KCMF1: variants seen among roughly 807,000 people sequenced by gnomAD.
The protein encoded by KCMF1 is E3 ubiquitin-protein ligase KCMF1.
A neutral mutation model predicts 41.1 loss-of-function variants in KCMF1; 3 were observed. The ratio of observed to expected loss-of-function variants is 0.07; its 90% CI spans 0.03 to 0.19. The LOEUF (loss-of-function observed/expected upper bound fraction) is 0.19, where lower values mean the gene tolerates loss of function less well. KCMF1 is among the 10% of genes least tolerant of loss of function. KCMF1 has a pLI of 1.00. For missense variants in KCMF1, 286 were observed against 488.9 expected (o/e 0.58, Z 3.91); for synonymous variants, 142 against 164.5 (o/e 0.86, Z 1.04).
In KCMF1 at chr2:85,046,347, A is replaced by G; in HGVS notation, c.601+69A>G. 4 of 1,286,982 alleles carry G rather than the reference A, an allele frequency of 3.1e-6. No homozygotes were observed. The South Asian group carries it at 5.4e-5, about 17-fold the overall frequency. 79.7% of individuals were successfully genotyped at this position (1,286,982 alleles called of 1,614,324 possible). On this transcript the variant is annotated intron_variant, in intron 5 of 6. Transcript: ENST00000409785. ...GGAGCTCCTTTTAAAACTTTTTGTG[A>G]TGCCAGGTGCGGTGGCTCACACCTT...
intron 1 of KCMF1, among the ~76,000 whole-genome samples, chr2:85,027,366 CTTTTTTTTTTTTTTT>C (rs934531367): frequency 4.6e-5 from 3 of 65,742 alleles, no homozygotes; most frequent in Non-Finnish European, 8.8e-5. Flanking sequence ...CTTATCAAGG[CTTTTTTTTTTTTTTT>C]TTTTTTTTTT....
At chr2:85,051,044 G>C (rs917649472) in intron 6 of KCMF1, among the ~76,000 whole-genome samples, 1 of 152,160 alleles carries the variant, frequency 6.6e-6, no homozygotes, top group African/African-American at 2.4e-5. Context: ...GTATGTGTAT[G>C]GTCTGGCTCA....
chr2:84,997,424 C>G (rs1200107314), intron 1 of KCMF1, among the ~76,000 whole-genome samples: 1 of 151,996 alleles, frequency 6.6e-6, no homozygotes, highest in African/African-American at 2.4e-5. Flanking sequence ...GGTTACCATG[C>G]CCATGATTCT....
At chr2:85,002,712 C>T (rs564940395) in intron 1 of KCMF1, among the ~76,000 whole-genome samples, 1 of 151,928 alleles carries the variant, frequency 6.6e-6, no homozygotes, top group South Asian at 2.1e-4. Context: ...CTACAGAGAA[C>T]TGAGTGTACT....
intron 1 of KCMF1, among the ~76,000 whole-genome samples, chr2:85,003,211 C>T (rs925367887): frequency 2.0e-5 from 3 of 152,100 alleles, no homozygotes; most frequent in African/African-American, 4.8e-5. Flanking sequence ...CGGTGGCTCA[C>T]GCCTGTAATC....
chr2:85,044,789 G>T (rs989573161), intron 4 of KCMF1, among the ~76,000 whole-genome samples: 2 of 152,208 alleles, frequency 1.3e-5, no homozygotes, highest in South Asian at 4.1e-4. Flanking sequence ...AAAGTGCTGG[G>T]ATTCAGGCGT....
chr2:85,021,495 A>G (rs1674938771), intron 1 of KCMF1, among the ~76,000 whole-genome samples: 1 of 151,944 alleles, frequency 6.6e-6, no homozygotes, highest in Non-Finnish European at 1.5e-5. Context: ...GGTGGTGGGC[A>G]CCTGTAGTCC....
chr2:85,046,302 G>T, intron 5 of KCMF1, 24 bp downstream of exon 5: 1 of 1,593,446 alleles, frequency 6.3e-7, no homozygotes, highest in Middle Eastern at 1.7e-4. Context: ...ACATTAATAA[G>T]GGAAATGGCA....
chr2:85,017,522 A>G (rs1674807930), intron 1 of KCMF1, among the ~76,000 whole-genome samples: 1 of 152,150 alleles, frequency 6.6e-6, no homozygotes, highest in African/African-American at 2.4e-5. Context: ...AAGAGATAAT[A>G]CACAGACATT....
In KCMF1 at chr2:85,054,203, T is replaced by G. The variant is rs942280637; in HGVS notation, c.*794T>G. The G allele has an allele frequency of 6.6e-6, 1 of 152,258 alleles. No individual in the cohort carries two copies. The highest frequency in any genetic ancestry group is 1.5e-5 in the Non-Finnish European group (1 of 68,044). 9.4% of individuals were successfully genotyped at this position (152,258 alleles called of 1,614,324 possible). On this transcript the variant is annotated 3_prime_UTR_variant, in exon 7 of 7. Transcript: ENST00000409785. ...GTTTAAAGTTTTTACTTTTTGTGGT[T>G]GTTTAAAATTTTTTCAATTGTTAAA...
chr2:84,995,389 CTTGATTCAGGTTTTTGTCT>C (rs1260811118), intron 1 of KCMF1, among the ~76,000 whole-genome samples: 1 of 152,076 alleles, frequency 6.6e-6, no homozygotes, highest in Non-Finnish European at 1.5e-5. Context: ...GTTCTAGAGT[CTTGATTCAGGTTTTTGTCT>C]TTGGTAAGAA....
chr2:84,979,135 C>T (rs772975294), intron 1 of KCMF1, among the ~76,000 whole-genome samples: 12 of 152,168 alleles, frequency 7.9e-5, no homozygotes, highest in South Asian at 2.1e-4. Context: ...TGTGAGCCAC[C>T]GCGCCTGGCC....
At chr2:85,025,419 A>G (rs1675074037) in intron 1 of KCMF1, among the ~76,000 whole-genome samples, 3 of 152,158 alleles carry the variant, frequency 2.0e-5, no homozygotes, top group African/African-American at 4.8e-5. Flanking sequence ...GTTCAGTAGC[A>G]TTAAGTATAT....
chr2:84,979,294 G>C (rs1229190726), intron 1 of KCMF1, among the ~76,000 whole-genome samples: 1 of 152,110 alleles, frequency 6.6e-6, no homozygotes. Flanking sequence ...AGACCAAGAT[G>C]GGTGGATCAC....
At chr2:85,039,938 G>A (rs188711691) in intron 3 of KCMF1, among the ~76,000 whole-genome samples, 11 of 152,076 alleles carry the variant, frequency 7.2e-5, no homozygotes, top group African/African-American at 2.2e-4. Flanking sequence ...TCAGCCTCCC[G>A]AGTAGCTGGG....
intron 1 of KCMF1, among the ~76,000 whole-genome samples, chr2:84,985,536 A>G (rs1673878973): frequency 6.6e-6 from 1 of 152,152 alleles, no homozygotes; most frequent in African/African-American, 2.4e-5. Flanking sequence ...TTGAATGTAA[A>G]ACCCTTGGGC....
chr2:85,051,735 T>C (rs541358020), intron 6 of KCMF1, among the ~76,000 whole-genome samples: 2 of 152,360 alleles, frequency 1.3e-5, no homozygotes, highest in African/African-American at 2.4e-5. Flanking sequence ...TAATTACTTA[T>C]GTTCTTCCAC....
At chr2:84,985,363 C>A (rs1320786414) in intron 1 of KCMF1, among the ~76,000 whole-genome samples, 1 of 152,130 alleles carries the variant, frequency 6.6e-6, no homozygotes, top group Non-Finnish European at 1.5e-5. Flanking sequence ...AGTACATACT[C>A]AGTTTGTGTC....
intron 1 of KCMF1, among the ~76,000 whole-genome samples, chr2:84,977,839 C>A (rs1478724818): frequency 6.6e-6 from 1 of 152,012 alleles, no homozygotes; most frequent in Non-Finnish European, 1.5e-5. Flanking sequence ...TCTTTGATTT[C>A]ATAATTTCAT....
Sources: allele counts gnomAD v4.1 joint callset (sites outside exome capture counted in the v4.1 genomes callset), GRCh38; gene constraint gnomAD v4.1.1; transcripts MANE v1.5; gene names NCBI Gene and HGNC (gene_info 2026-07-23, HGNC 2026-07-21).